FOXN3: variants seen among roughly 807,000 people sequenced by gnomAD.
FOXN3 encodes forkhead box protein N3.
In FOXN3, 7 loss-of-function variants were observed where a neutral mutation model predicts 38.4. The observed-to-expected ratio is 0.18, with a 90% CI of 0.10 to 0.34. The LOEUF (loss-of-function observed/expected upper bound fraction) is 0.34. FOXN3 is among the 10% of genes least tolerant of loss of function. The pLI is 1.00. For missense variants in FOXN3, 456 were observed against 613.4 expected (o/e 0.74, Z 2.71); for synonymous variants, 230 against 242.2 (o/e 0.95, Z 0.47).
intron 1 of FOXN3, among the ~76,000 whole-genome samples, chr14:89,473,549 T>G (rs1365100416): frequency 6.6e-6 from 1 of 152,090 alleles, no homozygotes; most frequent in Non-Finnish European, 1.5e-5. Context: ...TTAATTTTTT[T>G]GTAGAGATAG....
At chr14:89,282,509 T>C (rs921872886) in intron 3 of FOXN3, among the ~76,000 whole-genome samples, 2 of 152,182 alleles carry the variant, frequency 1.3e-5, no homozygotes. Flanking sequence ...GGCTCAAAGT[T>C]GCATGAAGAA....
At chr14:89,447,025 C>T (rs1189467556) in intron 1 of FOXN3, among the ~76,000 whole-genome samples, 3 of 151,922 alleles carry the variant, frequency 2.0e-5, no homozygotes, top group East Asian at 1.9e-4. Context: ...GGAGAAACCC[C>T]GTCTCTACTA....
At chr14:89,350,634 T>C in intron 3 of FOXN3, 38 bp downstream of exon 3, 1 of 1,468,102 alleles carries the variant, frequency 6.8e-7, no homozygotes, top group South Asian at 1.4e-5. Context: ...AATAATGCCA[T>C]TTCAGTAGAC....
intron 1 of FOXN3, among the ~76,000 whole-genome samples, chr14:89,451,049 G>A (rs1281027071): frequency 6.6e-6 from 1 of 152,200 alleles, no homozygotes; most frequent in African/African-American, 2.4e-5. Flanking sequence ...TCTGCAATCT[G>A]TGGGGCAGAC....
intron 3 of FOXN3, among the ~76,000 whole-genome samples, chr14:89,287,963 G>C (rs1886685088): frequency 6.6e-6 from 1 of 152,078 alleles, no homozygotes; most frequent in South Asian, 2.1e-4. Context: ...AGGAGGCTGA[G>C]GTGGGTGGAT....
At chr14:89,575,620 G>A (rs1457631554) in intron 1 of FOXN3, among the ~76,000 whole-genome samples, 1 of 152,120 alleles carries the variant, frequency 6.6e-6, no homozygotes, top group Admixed American at 6.5e-5. Context: ...GGAAGCAGAA[G>A]GAGCTGCCAC....
intron 4 of FOXN3, among the ~76,000 whole-genome samples, chr14:89,189,229 C>T (rs1393081318): frequency 3.3e-5 from 5 of 152,134 alleles, no homozygotes; most frequent in South Asian, 2.1e-4. Context: ...TGGAACTCCA[C>T]GTAGTCCAAT....
At chr14:89,246,198 T>A (rs1885290811) in intron 4 of FOXN3, among the ~76,000 whole-genome samples, 1 of 152,198 alleles carries the variant, frequency 6.6e-6, no homozygotes, top group South Asian at 2.1e-4. Context: ...AAAGTTACCA[T>A]TTTCATCAAC....
chr14:89,363,961 T>A (rs1184609230), intron 2 of FOXN3, among the ~76,000 whole-genome samples: 9 of 14,678 alleles, frequency 6.1e-4, no homozygotes, highest in African/African-American at 1.6e-3. Context: ...TATATATATA[T>A]ATATATATAT....
chr14:89,362,496 CA>C (rs1329811086), intron 2 of FOXN3, among the ~76,000 whole-genome samples: 1 of 1,266 alleles, frequency 7.9e-4, no homozygotes, highest in African/African-American at 9.2e-4. Flanking sequence ...CCACCACCAC[CA>C]TCTCCACCAC....
chr14:89,245,008 C>T (rs753427906), intron 4 of FOXN3, among the ~76,000 whole-genome samples: 4 of 152,162 alleles, frequency 2.6e-5, no homozygotes, highest in Non-Finnish European at 5.9e-5. Flanking sequence ...GTGGAAGTAA[C>T]AAAGATACAT....
At chr14:89,612,981 G>A (rs1176609128) in intron 1 of FOXN3, among the ~76,000 whole-genome samples, 6 of 151,936 alleles carry the variant, frequency 3.9e-5, no homozygotes, top group Non-Finnish European at 8.8e-5. Context: ...GCCAGGCGTG[G>A]TGGCACGCAC....
intron 4 of FOXN3, among the ~76,000 whole-genome samples, chr14:89,257,052 T>C (rs1596135774): frequency 6.6e-6 from 1 of 152,212 alleles, no homozygotes; most frequent in African/African-American, 2.4e-5. Flanking sequence ...CATTCCATTG[T>C]TTAGCTGGAA....
chr14:89,162,841 G>A lies in FOXN3; in HGVS notation c.980C>T (p.Ser327Leu), dbSNP rs763494456. 4.0e-5 allele frequency: 65 copies of A among 1,611,612 alleles called. No individual in the cohort carries two copies. The highest frequency in any genetic ancestry group is 6.7e-5 in the Admixed American group (4 of 59,998). The change falls in exon 6 of 6, where the codon TCG (serine) becomes TTG (leucine). Residue 327 changes from serine (S) to leucine (L), a missense_variant. This residue lies in a region of FOXN3 where 386 missense variants were observed against 505.2 expected (regional missense o/e 0.76). Coordinates refer to ENST00000557258, the MANE Select transcript of FOXN3 (RefSeq NM_005197.4). This position sits in a 1 kb window ranked among gnomAD's most constrained non-coding sequence, Gnocchi z 7.2. ...GGAGGAGATGGAGTCGCTGGTGGGC[G>A]AGGTGCTCCGGGCGTTGGAGGACTT... ...SAKSSNARST[S>L]PTSDSISSSS... is the part of the protein sequence containing the mutation.
chr14:89,273,189 T>A (rs1003941554), intron 4 of FOXN3, among the ~76,000 whole-genome samples: 1 of 152,234 alleles, frequency 6.6e-6, no homozygotes, highest in South Asian at 2.1e-4. Flanking sequence ...TCTATGCCCA[T>A]AACCTATGCC....
intron 4 of FOXN3, among the ~76,000 whole-genome samples, chr14:89,266,836 C>T (rs540783305): frequency 1.5e-4 from 23 of 152,256 alleles, no homozygotes; most frequent in African/African-American, 5.5e-4. Flanking sequence ...TTCTCCATCA[C>T]AATGTCACTC....
At chr14:89,377,054 A>AAAAAAAAAATT (rs1890502763) in intron 2 of FOXN3, among the ~76,000 whole-genome samples, 1 of 133,264 alleles carries the variant, frequency 7.5e-6, no homozygotes. Flanking sequence ...AAAAAAAAAA[A>AAAAAAAAAATT]GCTTGAGCCT....
chr14:89,442,463 C>A (rs142884269), intron 1 of FOXN3, among the ~76,000 whole-genome samples: 1 of 152,180 alleles, frequency 6.6e-6, no homozygotes, highest in Non-Finnish European at 1.5e-5. Context: ...ATGCTGAGGT[C>A]TCCTATAACT....
chr14:89,542,609 T>G (rs1894813158), intron 1 of FOXN3, among the ~76,000 whole-genome samples: 1 of 152,246 alleles, frequency 6.6e-6, no homozygotes, highest in South Asian at 2.1e-4. Context: ...TTTCTACATT[T>G]GTGCCTTAGA....
Sources: gnomAD v4.1 joint callset for allele counts (sites outside exome capture counted in the v4.1 genomes callset) on GRCh38, gnomAD v4.1.1 for gene constraint, gnomAD v4.1.1 regional missense constraint, Gnocchi (gnomAD v3.1) non-coding constraint, MANE v1.5 for transcripts, NCBI Gene and HGNC (gene_info 2026-07-23, HGNC 2026-07-21) for gene names.